RBMS2: variants seen among roughly 807,000 people sequenced by gnomAD.
RBMS2 encodes RNA-binding motif, single-stranded-interacting protein 2.
A neutral mutation model predicts 58.4 loss-of-function variants in RBMS2; 38 were observed. The ratio of observed to expected loss-of-function variants is 0.65; its 90% CI spans 0.50 to 0.85. The LOEUF is 0.85. Ranked by LOEUF, RBMS2 falls within the 40% of genes least tolerant of loss-of-function variation. The probability of loss-of-function intolerance (pLI) is 0.00; values close to 1 mark genes in which losing one functional copy is unlikely to be tolerated. For missense variants in RBMS2, 367 were observed against 503.7 expected, an observed-to-expected ratio of 0.73 and a Z score of 2.60; for synonymous variants, 151 against 180.7, an observed-to-expected ratio of 0.84 and a Z score of 1.32.
chr12:56,588,862 G>C (rs1885044859), intron 12 of RBMS2, 70 bp from the exon 13 acceptor site: 2 of 1,487,876 alleles, frequency 1.3e-6, no homozygotes, highest in African/African-American at 2.8e-5. Flanking sequence ...GGTGGGCTTT[G>C]GTCAGGCTGC....
At chr12:56,528,388 A>C (rs1873078576) in intron 1 of RBMS2, among the ~76,000 whole-genome samples, 1 of 152,180 alleles carries the variant, frequency 6.6e-6, no homozygotes, top group Non-Finnish European at 1.5e-5. Context: ...TGGGGAGCAA[A>C]ATCAAGGTTG....
At chr12:56,553,887 C>T (rs1038796289) in intron 1 of RBMS2, among the ~76,000 whole-genome samples, 1 of 149,552 alleles carries the variant, frequency 6.7e-6, no homozygotes. Flanking sequence ...TGCAGTGACA[C>T]GATCTCGGCT....
intron 1 of RBMS2, among the ~76,000 whole-genome samples, chr12:56,562,071 G>C (rs1037930368): frequency 3.3e-5 from 5 of 152,148 alleles, no homozygotes; most frequent in African/African-American, 4.8e-5. Context: ...GCCTCCCAAA[G>C]TGCTGGGATT....
chr12:56,549,496 G>A (rs1011542515), intron 1 of RBMS2, among the ~76,000 whole-genome samples: 3 of 152,112 alleles, frequency 2.0e-5, no homozygotes, highest in African/African-American at 7.2e-5. Flanking sequence ...CTAGTTTCAT[G>A]CGACTCAGTA....
At chr12:56,574,871 G>A (rs978409060) in intron 5 of RBMS2, among the ~76,000 whole-genome samples, 1 of 152,094 alleles carries the variant, frequency 6.6e-6, no homozygotes, top group African/African-American at 2.4e-5. Flanking sequence ...GACTTTGGCC[G>A]GACTCCGTGA....
intron 9 of RBMS2, among the ~76,000 whole-genome samples, chr12:56,584,556 A>T (rs1884407635): frequency 6.6e-6 from 1 of 151,870 alleles, no homozygotes; most frequent in Admixed American, 6.6e-5. Context: ...GAGGCCGAGG[A>T]GGGCGGATCA....
intron 5 of RBMS2, among the ~76,000 whole-genome samples, chr12:56,576,075 T>C (rs2136511915): frequency 6.6e-6 from 1 of 151,778 alleles, no homozygotes. Context: ...CGGTGGCTCA[T>C]GTCTGTAATC....
chr12:56,527,440 T>C (rs912902443), intron 1 of RBMS2, among the ~76,000 whole-genome samples: 3 of 152,000 alleles, frequency 2.0e-5, no homozygotes, highest in Admixed American at 6.6e-5. Context: ...GATGAAACCC[T>C]GTCTCTACTA....
intron 2 of RBMS2, among the ~76,000 whole-genome samples, chr12:56,565,263 A>G (rs1045334247): frequency 6.6e-6 from 1 of 152,204 alleles, no homozygotes; most frequent in Non-Finnish European, 1.5e-5. Context: ...GTTAAGGGGT[A>G]CATGTGCAGG....
chr12:56,573,965 T>C (rs1179238438), intron 5 of RBMS2, among the ~76,000 whole-genome samples: 1 of 152,034 alleles, frequency 6.6e-6, no homozygotes, highest in East Asian at 1.9e-4. Context: ...CTCAGCCTCC[T>C]GAGTAACTGG....
At chr12:56,573,056 C>CTTT (rs34175256) in intron 5 of RBMS2, 59 of 900,024 alleles carry the variant, frequency 6.6e-5, no homozygotes, top group Non-Finnish European at 7.2e-5. Flanking sequence ...ATTCTTTTGA[C>CTTT]TTTTTTTTTT....
intron 1 of RBMS2, among the ~76,000 whole-genome samples, chr12:56,524,166 A>G (rs1191007500): frequency 6.6e-6 from 1 of 152,158 alleles, no homozygotes; most frequent in African/African-American, 2.4e-5. Flanking sequence ...GACAAGAGGT[A>G]TGGTTGTGGG....
intron 1 of RBMS2, among the ~76,000 whole-genome samples, chr12:56,556,119 A>G (rs1419219258): frequency 6.6e-6 from 1 of 151,914 alleles, no homozygotes; most frequent in Non-Finnish European, 1.5e-5. Context: ...TAGTATTTAA[A>G]TAATACTACA....
intron 1 of RBMS2, among the ~76,000 whole-genome samples, chr12:56,524,422 C>CT (rs35748039): frequency 3.1e-4 from 45 of 145,254 alleles, no homozygotes; most frequent in East Asian, 6.0e-4. Context: ...TTTATTTTTA[C>CT]TTTTTTTTTT....
At position 56,540,572 on chromosome 12, in the gene RBMS2, G is replaced by T. The variant is rs149782156; in HGVS notation, c.66+18483G>T. Among the ~76,000 whole-genome samples, 5 of 152,104 alleles carry T rather than the reference G, an allele frequency of 3.3e-5. No homozygotes were observed. In the East Asian group the frequency reaches 9.7e-4, roughly 29 times the overall value. ...AAAAACTGTTTTTTATAGAGACAAG[G>T]TCTCACTATGTTGCCCAGACTGATC... On this transcript the variant is annotated intron_variant, in intron 1 of 13. Coordinates refer to ENST00000262031, the MANE Select transcript of RBMS2 (RefSeq NM_002898.4).
chr12:56,524,272 T>C (rs1338639455), intron 1 of RBMS2, among the ~76,000 whole-genome samples: 1 of 152,194 alleles, frequency 6.6e-6, no homozygotes, highest in Non-Finnish European at 1.5e-5. Flanking sequence ...ATTACTAATG[T>C]ATTTGTCAAT....
At chr12:56,582,259 A>G in intron 9 of RBMS2, 107 bp downstream of exon 9, 3 of 951,066 alleles carry the variant, frequency 3.2e-6, no homozygotes, top group Non-Finnish European at 3.2e-6. Context: ...CCTTTTAATC[A>G]TATTACACAC....
intron 1 of RBMS2, among the ~76,000 whole-genome samples, chr12:56,535,494 C>CAAAAAAAAAAAAA (rs59905092): frequency 1.0e-5 from 1 of 97,716 alleles, no homozygotes; most frequent in African/African-American, 4.2e-5. Context: ...GACTCCATCT[C>CAAAAAAAAAAAAA]AAAAAAAAAA....
intron 12 of RBMS2, 24 bp from the exon 13 acceptor site, chr12:56,588,908 C>A (rs1304060714): frequency 1.2e-6 from 2 of 1,611,444 alleles, no homozygotes; most frequent in South Asian, 2.2e-5. Context: ...CGCAAGATGA[C>A]CCCCCTCCTT....
Sources: allele counts gnomAD v4.1 joint callset (sites outside exome capture counted in the v4.1 genomes callset), GRCh38; gene constraint gnomAD v4.1.1; transcripts MANE v1.5; gene names NCBI Gene and HGNC (gene_info 2026-07-23, HGNC 2026-07-21).